The following SYN3 variants were observed in gnomAD, a reference collection of about 807,000 sequenced individuals.
The protein encoded by SYN3 is synapsin III, also known as synapsin-3.
In SYN3, 35 loss-of-function variants were observed where a neutral mutation model predicts 65.8. The ratio of observed to expected loss-of-function variants is 0.53; its 90% confidence interval spans 0.41 to 0.70. SYN3 has a LOEUF of 0.70. Ranked by LOEUF, SYN3 falls within the 30% of genes least tolerant of loss-of-function variation. The pLI, the probability that SYN3 is intolerant of heterozygous loss-of-function variation, is 0.00. For synonymous variants in SYN3, 270 were observed against 292.9 expected (o/e 0.92, Z 0.80); for missense variants, 680 against 749.0 (o/e 0.91, Z 1.08).
chr22:32,796,408 G>GGCTACATTCAT (rs1350662768), intron 6 of SYN3, among the ~76,000 whole-genome samples: 1 of 152,178 alleles, frequency 6.6e-6, no homozygotes, highest in Non-Finnish European at 1.5e-5. Flanking sequence ...TGTAGCCAGA[G>GGCTACATTCAT]GCGAATGTAG....
chr22:32,540,718 C>A (rs2058240404), intron 8 of SYN3, among the ~76,000 whole-genome samples: 2 of 152,224 alleles, frequency 1.3e-5, no homozygotes, highest in South Asian at 4.1e-4. Context: ...CTAGATTCAG[C>A]ACCTCTATTT....
chr22:32,598,495 A>AT (rs1181618949), intron 6 of SYN3, among the ~76,000 whole-genome samples: 1 of 97,990 alleles, frequency 1.0e-5, no homozygotes, highest in African/African-American at 7.1e-5. Context: ...TTTAAATAAT[A>AT]TTTTTTTTGA....
At chr22:32,560,167 C>T (rs532187034) in intron 7 of SYN3, among the ~76,000 whole-genome samples, 2 of 152,348 alleles carry the variant, frequency 1.3e-5, no homozygotes, top group East Asian at 3.9e-4. Context: ...AGTCAAAGGT[C>T]AAACTGTGCA....
chr22:32,825,162 T>C (rs1453098165), intron 6 of SYN3, among the ~76,000 whole-genome samples: 1 of 151,958 alleles, frequency 6.6e-6, no homozygotes, highest in Non-Finnish European at 1.5e-5. Context: ...GGGGGAGGGA[T>C]GGGTGAGCTC....
At chr22:32,933,601 G>T (rs539167348) in intron 3 of SYN3, among the ~76,000 whole-genome samples, 1 of 151,880 alleles carries the variant, frequency 6.6e-6, no homozygotes, top group African/African-American at 2.4e-5. Context: ...GCTAATTTTT[G>T]TTTGTTTGTT....
At chr22:32,675,113 C>G (rs1028046930) in intron 6 of SYN3, among the ~76,000 whole-genome samples, 2 of 152,146 alleles carry the variant, frequency 1.3e-5, no homozygotes, top group East Asian at 1.9e-4. Flanking sequence ...GAAACAGAAA[C>G]TAAGGGTAGA....
intron 12 of SYN3, among the ~76,000 whole-genome samples, chr22:32,525,257 G>C (rs1212976452): frequency 1.3e-5 from 2 of 152,164 alleles, no homozygotes; most frequent in African/African-American, 4.8e-5. Flanking sequence ...AAGTGAAGAT[G>C]TCGTGGAAAT....
intron 1 of SYN3, among the ~76,000 whole-genome samples, chr22:33,027,621 A>AAGAC (rs1044280149): frequency 3.4e-5 from 4 of 119,132 alleles, no homozygotes; most frequent in Non-Finnish European, 5.4e-5. Flanking sequence ...GAAAGAAGGA[A>AAGAC]AGACAGACAG....
At chr22:32,634,570 C>T (rs2059789055) in intron 6 of SYN3, among the ~76,000 whole-genome samples, 1 of 152,200 alleles carries the variant, frequency 6.6e-6, no homozygotes, top group South Asian at 2.1e-4. Flanking sequence ...GGCACCACCT[C>T]CAGAAATACA....
At chr22:32,814,137 T>C (rs57193730) in intron 6 of SYN3, among the ~76,000 whole-genome samples, 3 of 80,134 alleles carry the variant, frequency 3.7e-5, no homozygotes, top group African/African-American at 9.7e-5. Flanking sequence ...TGTGTGTGTG[T>C]GTGTGAGAGA....
intron 1 of SYN3, among the ~76,000 whole-genome samples, chr22:33,056,394 C>T (rs1479026161): frequency 6.6e-6 from 1 of 152,192 alleles, no homozygotes; most frequent in Non-Finnish European, 1.5e-5. Context: ...GACCAAGACA[C>T]TCATGACTTC....
chr22:32,753,549 C>G (rs2045203027), intron 6 of SYN3, among the ~76,000 whole-genome samples: 1 of 152,246 alleles, frequency 6.6e-6, no homozygotes. Context: ...GAGACCTTCA[C>G]TGGCTCCCCA....
chr22:32,802,182 TAGGG>T, intron 6 of SYN3: 1 of 1,534,058 alleles, frequency 6.5e-7, no homozygotes, highest in Non-Finnish European at 8.7e-7. Flanking sequence ...CAGCGCTGCT[TAGGG>T]AGGCAGGGCG....
chr22:32,726,558 C>T (rs544075391), intron 6 of SYN3, among the ~76,000 whole-genome samples: 24 of 152,310 alleles, frequency 1.6e-4, no homozygotes, highest in African/African-American at 5.5e-4. Context: ...GACAACAGCT[C>T]TCGTCTCCTA....
At chr22:33,056,809 G>C (rs2054260578) in intron 1 of SYN3, among the ~76,000 whole-genome samples, 1 of 152,166 alleles carries the variant, frequency 6.6e-6, no homozygotes, top group South Asian at 2.1e-4. Flanking sequence ...GCGAGCCCTT[G>C]TTCTTTCTAC....
chr22:32,682,957 G>A (rs2060543118), intron 6 of SYN3, among the ~76,000 whole-genome samples: 1 of 152,142 alleles, frequency 6.6e-6, no homozygotes, highest in Admixed American at 6.5e-5. Context: ...TTTGCATAGG[G>A]CACCTGAAGC....
chr22:32,981,958 A>G (rs1308247918), intron 2 of SYN3, among the ~76,000 whole-genome samples: 2 of 152,326 alleles, frequency 1.3e-5, no homozygotes, highest in East Asian at 1.9e-4. Flanking sequence ...GTCTTCAGAA[A>G]TATGTTGAAT....
intron 6 of SYN3, among the ~76,000 whole-genome samples, chr22:32,839,910 G>A (rs999845023): frequency 6.6e-6 from 1 of 151,908 alleles, no homozygotes; most frequent in African/African-American, 2.4e-5. Context: ...GTCAGCAGGG[G>A]CCCTGAGTTT....
chr22:32,923,152 T>C (rs1279540646), intron 4 of SYN3, among the ~76,000 whole-genome samples: 1 of 152,148 alleles, frequency 6.6e-6, no homozygotes, highest in Non-Finnish European at 1.5e-5. Flanking sequence ...TCCCAGTCTA[T>C]GGCTGGAGTC....
Sources: allele counts gnomAD v4.1 joint callset (sites outside exome capture counted in the v4.1 genomes callset), GRCh38; gene constraint gnomAD v4.1.1; transcripts MANE v1.5; gene names NCBI Gene and HGNC (gene_info 2026-07-23, HGNC 2026-07-21).